Variants in FAM227B observed in about 807,000 individuals in gnomAD.
FAM227B encodes the protein family with sequence similarity 227 member B.
In FAM227B, 88 loss-of-function variants were observed where a neutral mutation model predicts 73.8. The observed-to-expected ratio is 1.19, with a 90% confidence interval of 1.00 to 1.42. The LOEUF is 1.42. FAM227B is among the 40% of genes most tolerant of loss of function. The pLI, the probability that FAM227B is intolerant of heterozygous loss-of-function variation, is 0.00. For missense variants in FAM227B, 632 were observed against 590.9 expected (o/e 1.07, Z -0.72); for synonymous variants, 210 against 190.5 (o/e 1.10, Z -0.84).
At chr15:49,444,168 A>G (rs1352860638) in intron 11 of FAM227B, among the ~76,000 whole-genome samples, 1 of 151,610 alleles carries the variant, frequency 6.6e-6, no homozygotes, top group Non-Finnish European at 1.5e-5. Context: ...AATGAGAACC[A>G]TATGTACTAT....
At position 49,615,247 on chromosome 15, in the gene FAM227B, G is replaced by C; in HGVS notation, c.-72-4C>G. On this transcript the variant is annotated splice_polypyrimidine_tract_variant and splice_region_variant and intron_variant, in intron 1 of 15. Coordinates refer to ENST00000299338, the MANE Select transcript of FAM227B (RefSeq NM_152647.3). Reference sequence around the variant, plus strand: ...CAATGTGAGTTGGGCGACCAAACTGGGGTATGAAAGACACCCAAATGCAAA... The same window carrying C: ...CAATGTGAGTTGGGCGACCAAACTGCGGTATGAAAGACACCCAAATGCAAA... 1.6e-6 allele frequency: 2 copies of C among 1,254,670 alleles called. No individual in the cohort carries two copies. The highest frequency in any genetic ancestry group is 2.3e-6 in the Non-Finnish European group (2 of 853,708). The allele number at this position is 1,254,670 out of a possible 1,614,324, so 77.7% of individuals were successfully genotyped here. A position where few individuals can be genotyped will look rare whatever the true frequency, so the allele number is the denominator to read the frequency against.
chr15:49,562,361 A>G (rs1316313249), intron 9 of FAM227B, among the ~76,000 whole-genome samples: 2 of 151,922 alleles, frequency 1.3e-5, no homozygotes, highest in Admixed American at 1.3e-4. Context: ...AATAATAATA[A>G]TAAAAACCTA....
chr15:49,390,277 G>C (rs549754325), intron 11 of FAM227B, among the ~76,000 whole-genome samples: 2 of 151,970 alleles, frequency 1.3e-5, no homozygotes, highest in South Asian at 4.1e-4. Context: ...GGTAGATAGA[G>C]ACCCCATCTT....
chr15:49,367,023 G>A (rs901468424), intron 13 of FAM227B, among the ~76,000 whole-genome samples: 1 of 152,126 alleles, frequency 6.6e-6, no homozygotes, highest in Non-Finnish European at 1.5e-5. Context: ...ATTTTTTAAT[G>A]TGTAAAAAAT....
At chr15:49,407,596 G>A (rs1186250539) in intron 11 of FAM227B, among the ~76,000 whole-genome samples, 2 of 148,658 alleles carry the variant, frequency 1.3e-5, no homozygotes, top group Admixed American at 6.7e-5. Context: ...TTTACTCTCC[G>A]CTGTTTTGTC....
chr15:49,328,617 G>T lies in FAM227B; in HGVS notation c.1478C>A (p.Ser493Ter), dbSNP rs184970229. The T allele has an allele frequency of 1.8e-5, 28 of 1,587,876 alleles. No homozygotes were observed. Among genetic ancestry groups the T allele is most frequent in the Non-Finnish European group, 2.3e-5 (27 of 1,163,536 alleles). The change falls in exon 16 of 16, where the codon TCA becomes TAA. Residue 493 changes from serine to a stop codon, truncating the protein, a stop_gained. Transcript: ENST00000299338. LOFTEE classifies it low-confidence loss of function (END_TRUNC). ...CVASLSSSSS[S>*]SPSSTDNYNF... Reference sequence around the variant, plus strand: ...GTAGTTGTCTGTTGATGATGGTGATGATGATGATGATGACGATAGTGATGC... The same window carrying T: ...GTAGTTGTCTGTTGATGATGGTGATTATGATGATGATGACGATAGTGATGC...
intron 11 of FAM227B, among the ~76,000 whole-genome samples, chr15:49,371,991 T>TG (rs2045857879): frequency 3.0e-5 from 3 of 99,508 alleles, no homozygotes; most frequent in South Asian, 3.7e-4. Context: ...CACTTATAAA[T>TG]AAATGAAATA....
intron 11 of FAM227B, among the ~76,000 whole-genome samples, chr15:49,427,176 G>A (rs912382000): frequency 2.0e-5 from 3 of 152,016 alleles, no homozygotes; most frequent in Non-Finnish European, 2.9e-5. Flanking sequence ...ATTGACACAT[G>A]TGAAGTTGAA....
chr15:49,423,768 G>T (rs2049888399), intron 11 of FAM227B, among the ~76,000 whole-genome samples: 1 of 152,094 alleles, frequency 6.6e-6, no homozygotes, highest in Non-Finnish European at 1.5e-5. Context: ...AGTTCTGAGT[G>T]CAGTATGGTT....
chr15:49,617,878 G>C (rs1012828681), intron 1 of FAM227B, among the ~76,000 whole-genome samples: 1 of 151,780 alleles, frequency 6.6e-6, no homozygotes, highest in Non-Finnish European at 1.5e-5. Context: ...AATATCAATG[G>C]CTTAATACAC....
rs1410602300 is a variant in FAM227B at position 49,438,619 on chromosome 15, G to A, written c.1013-67220C>T. ...GATAAGAAAGTGAGAGGGAGCACGA[G>A]GACAAGGAAATAATACTGTATCATA... is the stretch of plus-strand genomic sequence containing the variant. On this transcript the variant is annotated intron_variant, in intron 11 of 15. Coordinates refer to ENST00000299338, the MANE Select transcript of FAM227B (RefSeq NM_152647.3). 4.6e-5 allele frequency among the ~76,000 whole-genome samples: 7 copies of A among 151,764 alleles called. No individual in the cohort carries two copies. The East Asian group carries it at 1.4e-3, about 30-fold the overall frequency.
chr15:49,424,472 A>G (rs776131808), intron 11 of FAM227B: 1 of 1,613,594 alleles, frequency 6.2e-7, no homozygotes, highest in Non-Finnish European at 8.5e-7. Context: ...TTATGATTAC[A>G]TGGAAGGAGG....
At chr15:49,360,998 T>C (rs927280266) in intron 13 of FAM227B, among the ~76,000 whole-genome samples, 1 of 152,090 alleles carries the variant, frequency 6.6e-6, no homozygotes, top group African/African-American at 2.4e-5. Flanking sequence ...AATCACTCCT[T>C]ATCAATAGAA....
intron 11 of FAM227B, among the ~76,000 whole-genome samples, chr15:49,378,058 G>GT (rs916268978): frequency 2.0e-5 from 3 of 152,170 alleles, no homozygotes; most frequent in African/African-American, 7.2e-5. Context: ...TAGCGGTGTA[G>GT]TTTCAGTCTT....
chr15:49,479,599 GTTTTTTTTTT>G (rs56097665), intron 11 of FAM227B, among the ~76,000 whole-genome samples: 3 of 63,322 alleles, frequency 4.7e-5, no homozygotes, highest in South Asian at 7.1e-4. Flanking sequence ...TAATACCTCT[GTTTTTTTTTT>G]TTTTTTTTTT....
At chr15:49,576,117 C>T (rs1322844199) in intron 7 of FAM227B, 1 of 152,168 alleles carries the variant, frequency 6.6e-6, no homozygotes. Context: ...GTATGATGTA[C>T]ACTGATAACA....
chr15:49,339,501 G>A (rs1444791498), intron 13 of FAM227B, among the ~76,000 whole-genome samples: 5 of 152,136 alleles, frequency 3.3e-5, no homozygotes, highest in Admixed American at 6.5e-5. Flanking sequence ...TGGAAGCTTC[G>A]TCCCAGAGGG....
In FAM227B at chr15:49,492,277, A is replaced by T. The variant is rs555947360; in HGVS notation, c.1012+15934T>A. Among the ~76,000 whole-genome samples, 4 of 152,042 alleles carry T rather than the reference A, an allele frequency of 2.6e-5. No individual in the cohort carries two copies. The South Asian group carries it at 8.3e-4, about 31-fold the overall frequency. On this transcript the variant is annotated intron_variant, in intron 11 of 15. Transcript: ENST00000299338. ...TAGAATCCATCAGGAAAAGCAAGAG[A>T]TCAAAACTTTTTGCTTTTGAAGTAC... is the stretch of plus-strand genomic sequence containing the variant.
chr15:49,471,019 CTG>C (rs2054692457), intron 11 of FAM227B, among the ~76,000 whole-genome samples: 1 of 152,196 alleles, frequency 6.6e-6, no homozygotes, highest in Non-Finnish European at 1.5e-5. Context: ...ATAATATAAA[CTG>C]TTTTTCTTGA....
Sources: allele counts gnomAD v4.1 joint callset (sites outside exome capture counted in the v4.1 genomes callset), GRCh38; gene constraint gnomAD v4.1.1; transcripts MANE v1.5; gene names NCBI Gene and HGNC (gene_info 2026-07-23, HGNC 2026-07-21).